The following STXBP5L variants were observed in gnomAD, a reference collection of about 807,000 sequenced individuals.
STXBP5L encodes the protein syntaxin-binding protein 5-like.
A neutral mutation model predicts 144.5 loss-of-function variants in STXBP5L; 65 were observed. The ratio of observed to expected loss-of-function variants is 0.45; its 90% CI spans 0.37 to 0.55. The LOEUF (loss-of-function observed/expected upper bound fraction) is 0.55. STXBP5L is among the 20% of genes least tolerant of loss of function. The pLI is 0.00. For synonymous variants in STXBP5L, 505 were observed against 469.6 expected (o/e 1.08, Z -0.97); for missense variants, 1,298 against 1,405.5 (o/e 0.92, Z 1.22).
intron 9 of STXBP5L, among the ~76,000 whole-genome samples, chr3:121,174,999 G>T (rs1382011813): frequency 6.6e-6 from 1 of 152,110 alleles, no homozygotes; most frequent in Non-Finnish European, 1.5e-5. Context: ...TGCCAGGCCT[G>T]CACAACTACT....
chr3:120,951,157 A>G (rs1711194798), intron 2 of STXBP5L, among the ~76,000 whole-genome samples: 1 of 152,172 alleles, frequency 6.6e-6, no homozygotes, highest in Non-Finnish European at 1.5e-5. Flanking sequence ...TCAATTCAAG[A>G]TGGATTAAAG....
chr3:121,279,950 A>G lies in STXBP5L; in HGVS notation c.2104A>G (p.Ile702Val), dbSNP rs200148894. 1.2e-6 allele frequency: 2 copies of G among 1,611,532 alleles called. No homozygotes were observed. Among genetic ancestry groups the G allele is most frequent in the African/African-American group, 1.3e-5 (1 of 74,914 alleles). Residue 702 changes from isoleucine (I) to valine (V), a missense_variant, in exon 19 of 27, where the codon ATT (isoleucine) becomes GTT (valine). Coordinates refer to ENST00000471454, the MANE Select transcript of STXBP5L (RefSeq NM_001308330.2). ...GTCTCCTCGAAAAAACAAACAGTTC[A>G]TTGCAGGTAGGAGATAAAACAAGAT... Reference protein sequence around the residue: ...PRSPRKNKQFIAGLTELNDSP... With the variant: ...PRSPRKNKQFVAGLTELNDSP...
At chr3:121,245,690 A>G (rs2049826091) in intron 14 of STXBP5L, among the ~76,000 whole-genome samples, 1 of 152,180 alleles carries the variant, frequency 6.6e-6, no homozygotes, top group Non-Finnish European at 1.5e-5. Context: ...CACAAGGGAC[A>G]AAGAAAGACA....
intron 11 of STXBP5L, 62 bp downstream of exon 11, chr3:121,223,219 C>A (rs1306005605): frequency 2.0e-6 from 3 of 1,498,630 alleles, no homozygotes; most frequent in South Asian, 1.3e-5. Flanking sequence ...AAGTTTCTAA[C>A]AAAATTAAGG....
Position 120,987,545 on chromosome 3 carries a change from A to G in STXBP5L, c.287+32508A>G, listed in dbSNP as rs1942403792. 2.0e-5 allele frequency among the ~76,000 whole-genome samples: 3 copies of G among 151,394 alleles called. No homozygotes were observed. The South Asian group carries it at 6.2e-4, about 31-fold the overall frequency. On this transcript the variant is annotated intron_variant, in intron 3 of 26. Transcript: ENST00000471454. ...TTTGTTGGATATATGGTTTTCATTT[A>G]TTTTCTTTCATTTCTTAACTTGTAT...
At chr3:120,997,824 T>A in intron 3 of STXBP5L, among the ~76,000 whole-genome samples, 1 of 152,118 alleles carries the variant, frequency 6.6e-6, no homozygotes, top group East Asian at 1.9e-4. Context: ...GATGCAGAAA[T>A]ATAAGCAAAT....
chr3:121,047,254 G>A (rs894198259), intron 5 of STXBP5L, among the ~76,000 whole-genome samples: 2 of 152,064 alleles, frequency 1.3e-5, no homozygotes, highest in African/African-American at 4.8e-5. Context: ...ATTTTCTGAG[G>A]ATTGTTTTAT....
rs553756221 is a variant in STXBP5L at position 120,979,315 on chromosome 3, A to G, written c.287+24278A>G. The stretch of plus-strand genomic sequence containing the variant: ...TTGATCTCAGACTGCTGTGCTAGCA[A>G]TCAGCAATACTCCGTGGGCATAGGA... On this transcript the variant is annotated intron_variant, in intron 3 of 26. Transcript: ENST00000471454. 4.5e-4 allele frequency among the ~76,000 whole-genome samples: 69 copies of G among 152,268 alleles called. 1 individual carries two copies. Among genetic ancestry groups the G allele is most frequent in the African/African-American group, 1.6e-3 (67 of 41,554 alleles).
At chr3:121,227,641 T>G (rs1465012801) in intron 11 of STXBP5L, among the ~76,000 whole-genome samples, 3 of 152,100 alleles carry the variant, frequency 2.0e-5, no homozygotes, top group African/African-American at 7.2e-5. Flanking sequence ...TGCAAATACT[T>G]CTAGAGAATT....
intron 2 of STXBP5L, among the ~76,000 whole-genome samples, chr3:120,913,085 A>G (rs1314523699): frequency 3.3e-5 from 5 of 151,878 alleles, no homozygotes. Flanking sequence ...TTCTTTTTTA[A>G]AAACCTATTC....
chr3:121,215,716 T>G (rs565454025), intron 10 of STXBP5L, among the ~76,000 whole-genome samples: 1 of 152,290 alleles, frequency 6.6e-6, no homozygotes, highest in African/African-American at 2.4e-5. Context: ...CTTTATGATA[T>G]TCTCTTTATT....
chr3:120,913,552 A>G (rs1708956987), intron 2 of STXBP5L, among the ~76,000 whole-genome samples: 1 of 152,090 alleles, frequency 6.6e-6, no homozygotes. Flanking sequence ...ATTTTAATTG[A>G]AAACATCTAA....
chr3:121,408,028 T>C (rs1444328277), intron 23 of STXBP5L, among the ~76,000 whole-genome samples: 1 of 152,024 alleles, frequency 6.6e-6, no homozygotes, highest in Admixed American at 6.6e-5. Flanking sequence ...CAGAGTTTCA[T>C]TTGATCCTTA....
At chr3:121,191,346 C>A (rs370088236) in intron 9 of STXBP5L, among the ~76,000 whole-genome samples, 1 of 152,118 alleles carries the variant, frequency 6.6e-6, no homozygotes, top group African/African-American at 2.4e-5. Flanking sequence ...GAGACCAGCC[C>A]GGCCAACACG....
chr3:121,095,528 C>T (rs1006218932), intron 5 of STXBP5L, among the ~76,000 whole-genome samples: 1 of 152,150 alleles, frequency 6.6e-6, no homozygotes, highest in Non-Finnish European at 1.5e-5. Flanking sequence ...CGCTTCATTT[C>T]ATTCATTTGG....
Position 121,004,010 on chromosome 3 carries a change from T to G in STXBP5L, c.288-37690T>G, listed in dbSNP as rs561148689. On this transcript the variant is annotated intron_variant, in intron 3 of 26. Coordinates refer to ENST00000471454, the MANE Select transcript of STXBP5L (RefSeq NM_001308330.2). The stretch of plus-strand genomic sequence containing the variant: ...ATGCCTCCAGCTTTGTTCTTTTGGC[T>G]TAGGATTGACTTGGCAATGCAGGCT... 7.1e-3 allele frequency among the ~76,000 whole-genome samples: 1,087 copies of G among 152,264 alleles called. 19 individuals are homozygous for G. The highest frequency in any genetic ancestry group is 0.025 in the African/African-American group (1,028 of 41,564).
At chr3:121,001,151 G>C (rs761708189) in intron 3 of STXBP5L, among the ~76,000 whole-genome samples, 2 of 152,252 alleles carry the variant, frequency 1.3e-5, no homozygotes. Context: ...GGCAGGGTCT[G>C]TGCATAGGCA....
intron 19 of STXBP5L, among the ~76,000 whole-genome samples, chr3:121,281,519 C>T (rs2051058205): frequency 6.6e-6 from 1 of 151,868 alleles, no homozygotes; most frequent in Non-Finnish European, 1.5e-5. Flanking sequence ...GTCATAATAA[C>T]CATATTTCAG....
chr3:121,208,447 T>C (rs1007272697), intron 10 of STXBP5L, among the ~76,000 whole-genome samples: 2 of 152,110 alleles, frequency 1.3e-5, no homozygotes, highest in Middle Eastern at 3.4e-3. Context: ...CAAACCTGGA[T>C]GTTGTGCACA....
Sources: allele counts gnomAD v4.1 joint callset (sites outside exome capture counted in the v4.1 genomes callset), GRCh38; gene constraint gnomAD v4.1.1; transcripts MANE v1.5; gene names NCBI Gene and HGNC (gene_info 2026-07-23, HGNC 2026-07-21).